The following HSD17B11 variants were observed in gnomAD, a reference collection of about 807,000 sequenced individuals.
HSD17B11 encodes the protein estradiol 17-beta-dehydrogenase 11.
In HSD17B11, 22 loss-of-function variants were observed where a neutral mutation model predicts 27.8. The ratio of observed to expected loss-of-function variants is 0.79; its 90% CI spans 0.56 to 1.13. The LOEUF is 1.13. Ranked by LOEUF, HSD17B11 falls within the 50% of genes most tolerant of loss-of-function variation. HSD17B11 has a pLI of 0.00. For synonymous variants in HSD17B11, 117 were observed against 132.8 expected (o/e 0.88, Z 0.82); for missense variants, 314 against 351.1 (o/e 0.89, Z 0.84).
chr4:87,337,879 T>C (rs1735080623), intron 6 of HSD17B11, among the ~76,000 whole-genome samples: 1 of 152,240 alleles, frequency 6.6e-6, no homozygotes, highest in Non-Finnish European at 1.5e-5. Context: ...AATTAACATC[T>C]ATCCCTCAGT....
chr4:87,371,540 G>A (rs1735715940), intron 4 of HSD17B11, among the ~76,000 whole-genome samples: 5 of 152,144 alleles, frequency 3.3e-5, no homozygotes, highest in African/African-American at 1.2e-4. Flanking sequence ...GTAACTCATT[G>A]AGCTGCACAC....
chr4:87,359,848 A>G (rs764103417), intron 4 of HSD17B11, among the ~76,000 whole-genome samples: 3 of 152,180 alleles, frequency 2.0e-5, no homozygotes, highest in Non-Finnish European at 4.4e-5. Flanking sequence ...GATATATTCT[A>G]AACTTTATTA....
chr4:87,356,255 C>T (rs1397993754), intron 5 of HSD17B11, among the ~76,000 whole-genome samples: 1 of 152,068 alleles, frequency 6.6e-6, no homozygotes, highest in Non-Finnish European at 1.5e-5. Context: ...CCCAGTAATC[C>T]CCCTTTATGA....
chr4:87,382,126 A>C, intron 2 of HSD17B11, 129 bp downstream of exon 2: 1 of 662,548 alleles, frequency 1.5e-6, no homozygotes. Context: ...GCTATGAGCT[A>C]GTTCTATAAC....
intron 1 of HSD17B11, among the ~76,000 whole-genome samples, chr4:87,387,690 C>T (rs942776911): frequency 7.2e-5 from 11 of 152,038 alleles, no homozygotes; most frequent in Non-Finnish European, 2.9e-5. Context: ...ACAAAATGAC[C>T]CTCATATGTT....
At chr4:87,376,301 C>T (rs531307993) in intron 2 of HSD17B11, among the ~76,000 whole-genome samples, 77 of 151,818 alleles carry the variant, frequency 5.1e-4, no homozygotes, top group African/African-American at 1.8e-3. Context: ...GGTCAGGAAT[C>T]GGAGACCAGC....
At chr4:87,370,688 A>C (rs928888146) in intron 4 of HSD17B11, among the ~76,000 whole-genome samples, 1 of 149,626 alleles carries the variant, frequency 6.7e-6, no homozygotes, top group African/African-American at 2.5e-5. Context: ...AAGTGCTGGG[A>C]TTACAGGCGT....
At position 87,368,613 on chromosome 4, in the gene HSD17B11, G is replaced by A. The variant is rs552060139; in HGVS notation, c.557+4096C>T. Among the ~76,000 whole-genome samples the A allele has an allele frequency of 2.1e-3, 326 of 152,258 alleles. 1 individual carries two copies. The highest frequency in any genetic ancestry group is 7.4e-3 in the African/African-American group (306 of 41,540). ...GGGTAAAATGAGGCTGAAACCTACC[G>A]GACTGCATTCCCAGACTGTTAACGC... On this transcript the variant is annotated intron_variant, in intron 4 of 6. Coordinates refer to ENST00000358290, the MANE Select transcript of HSD17B11 (RefSeq NM_016245.5).
intron 6 of HSD17B11, among the ~76,000 whole-genome samples, chr4:87,338,568 C>T (rs751783270): frequency 2.7e-4 from 41 of 152,066 alleles, no homozygotes; most frequent in Non-Finnish European, 1.2e-4. Flanking sequence ...TAGGGTCTTG[C>T]TCTGTTGCTC....
intron 4 of HSD17B11, among the ~76,000 whole-genome samples, chr4:87,370,755 A>ATTATTAT (rs70957229): frequency 0.051 from 2,898 of 57,064 alleles, 156 homozygotes; most frequent in East Asian, 0.11. Context: ...TATTATTATT[A>ATTATTAT]TTTTTTTTTT....
At chr4:87,379,689 G>A (rs1578046031) in intron 2 of HSD17B11, among the ~76,000 whole-genome samples, 1 of 142,696 alleles carries the variant, frequency 7.0e-6, no homozygotes, top group African/African-American at 2.6e-5. Context: ...TATAGTATTA[G>A]TATACTATAC....
At chr4:87,381,381 G>A (rs1312438802) in intron 2 of HSD17B11, among the ~76,000 whole-genome samples, 1 of 152,028 alleles carries the variant, frequency 6.6e-6, no homozygotes, top group East Asian at 1.9e-4. Context: ...TAGTTAACAG[G>A]TACAAGCGAG....
At position 87,374,777 on chromosome 4, in the gene HSD17B11, G is replaced by A; in HGVS notation, c.372C>T (p.Val124=). 1.9e-6 allele frequency: 3 copies of A among 1,593,038 alleles called. No homozygotes were observed. Among genetic ancestry groups the A allele is most frequent in the Non-Finnish European group, 2.6e-6 (3 of 1,166,980 alleles). ...VSILVNNAGV[V]YTSDLFATQD... is the part of the protein sequence containing the mutation. Reference sequence around the variant, plus strand: ...GTGTAGCAAACAAATCTGATGTATAGACTACACCAGCATTATTTACTAAAA... The same window carrying A: ...GTGTAGCAAACAAATCTGATGTATAAACTACACCAGCATTATTTACTAAAA... The change falls in exon 3 of 7, where the codon GTC becomes GTT. Residue 124 remains valine, a synonymous_variant. Coordinates refer to ENST00000358290, the MANE Select transcript of HSD17B11 (RefSeq NM_016245.5).
chr4:87,363,753 T>G (rs545656506), intron 4 of HSD17B11, among the ~76,000 whole-genome samples: 1 of 152,198 alleles, frequency 6.6e-6, no homozygotes, highest in Admixed American at 6.5e-5. Flanking sequence ...TGCCCAGACC[T>G]GTAGCTCAGT....
chr4:87,336,781 T>C lies in HSD17B11; in HGVS notation c.*495A>G, dbSNP rs1735065434. 6.5e-6 allele frequency: 1 copy of C among 154,740 alleles called. No homozygotes were observed. Among genetic ancestry groups the C allele is most frequent in the South Asian group, 2.0e-4 (1 of 4,910 alleles). The allele number at this position is 154,740 out of a possible 1,614,324, so 9.6% of individuals were successfully genotyped here. A position where few individuals can be genotyped will look rare whatever the true frequency, so the allele number is the denominator to read the frequency against. ...TATCTCTCAGGAAACAGAGTGGCAA[T>C]GGGTAGGATGAAACCTACCCATTGA... On this transcript the variant is annotated 3_prime_UTR_variant, in exon 7 of 7. Transcript: ENST00000358290.
At chr4:87,361,560 G>T (rs540208061) in intron 4 of HSD17B11, among the ~76,000 whole-genome samples, 1 of 152,108 alleles carries the variant, frequency 6.6e-6, no homozygotes, top group Non-Finnish European at 1.5e-5. Flanking sequence ...GAGGTCAGGA[G>T]ATCGAGACCA....
At chr4:87,375,655 C>T (rs1735807492) in intron 2 of HSD17B11, among the ~76,000 whole-genome samples, 1 of 152,322 alleles carries the variant, frequency 6.6e-6, no homozygotes, top group African/African-American at 2.4e-5. Flanking sequence ...GCAGGAGAAT[C>T]GCTTGAACCC....
intron 2 of HSD17B11, among the ~76,000 whole-genome samples, chr4:87,375,278 T>A (rs899685879): frequency 3.9e-5 from 6 of 152,184 alleles, no homozygotes; most frequent in Admixed American, 6.5e-5. Flanking sequence ...GGGAAAAAAA[T>A]CCTTTTTATT....
At chr4:87,363,912 C>T (rs1055383376) in intron 4 of HSD17B11, among the ~76,000 whole-genome samples, 1 of 152,058 alleles carries the variant, frequency 6.6e-6, no homozygotes, top group Non-Finnish European at 1.5e-5. Flanking sequence ...AGGAGTTTAC[C>T]TTTGGTAAAG....
Sources: allele counts gnomAD v4.1 joint callset (sites outside exome capture counted in the v4.1 genomes callset), GRCh38; gene constraint gnomAD v4.1.1; transcripts MANE v1.5; gene names NCBI Gene and HGNC (gene_info 2026-07-23, HGNC 2026-07-21).